The following PRKD1 variants were observed in gnomAD, a reference collection of about 807,000 sequenced individuals.
PRKD1 encodes serine/threonine-protein kinase D1.
In PRKD1, 63 loss-of-function variants were observed where a neutral mutation model predicts 95.9. The observed-to-expected ratio is 0.66, with a 90% CI of 0.54 to 0.81. The LOEUF (loss-of-function observed/expected upper bound fraction) is 0.81, where lower values mean the gene tolerates loss of function less well. Ranked by LOEUF, PRKD1 falls within the 30% of genes least tolerant of loss-of-function variation. The pLI, the probability that PRKD1 is intolerant of heterozygous loss-of-function variation, is 0.00. For synonymous variants in PRKD1, 425 were observed against 423.1 expected, an observed-to-expected ratio of 1.00 and a Z score of -0.05; for missense variants, 1,048 against 1,165.3, an observed-to-expected ratio of 0.90 and a Z score of 1.47.
intron 1 of PRKD1, among the ~76,000 whole-genome samples, chr14:29,753,905 T>C (rs1223962255): frequency 6.6e-6 from 1 of 152,194 alleles, no homozygotes; most frequent in African/African-American, 2.4e-5. Flanking sequence ...GCCTGATGCA[T>C]GCCTCCTTAC....
At chr14:29,798,310 C>T (rs141504857) in intron 1 of PRKD1, among the ~76,000 whole-genome samples, 12 of 152,314 alleles carry the variant, frequency 7.9e-5, no homozygotes, top group African/African-American at 2.6e-4. Context: ...AGAAGCGCCA[C>T]CAAAATACAC....
chr14:29,884,207 T>C (rs1263840112), intron 1 of PRKD1, among the ~76,000 whole-genome samples: 2 of 152,220 alleles, frequency 1.3e-5, no homozygotes, highest in South Asian at 2.1e-4. Flanking sequence ...TTTAAAACAA[T>C]GAATGCAATT....
rs373404701 is a variant in PRKD1, at chr14:29,683,133, T to C, written c.404-16925A>G. ...AGGATGGACTGTAGAGAGGAAGGAT[T>C]GCAGAGAAGATGGACTACAGAGCAG... On this transcript the variant is annotated intron_variant, in intron 2 of 17. Coordinates refer to ENST00000331968, the MANE Select transcript of PRKD1 (RefSeq NM_002742.3). Among the ~76,000 whole-genome samples, 106 of 152,198 alleles carry C rather than the reference T, an allele frequency of 7.0e-4. 1 individual carries two copies. Among genetic ancestry groups the C allele is most frequent in the South Asian group, 6.2e-3 (30 of 4,812 alleles).
intron 1 of PRKD1, among the ~76,000 whole-genome samples, chr14:29,752,287 C>G (rs1057258978): frequency 2.0e-5 from 3 of 152,052 alleles, no homozygotes; most frequent in African/African-American, 7.2e-5. Flanking sequence ...TTGTTAAACA[C>G]TTATTCCCTC....
At chr14:29,692,013 A>C (rs1884266521) in intron 2 of PRKD1, among the ~76,000 whole-genome samples, 1 of 152,180 alleles carries the variant, frequency 6.6e-6, no homozygotes, top group Non-Finnish European at 1.5e-5. Flanking sequence ...GCTCCACCAG[A>C]ACAAGTAGCA....
chr14:29,588,927 G>A (rs1175893188), intron 16 of PRKD1, among the ~76,000 whole-genome samples: 1 of 151,888 alleles, frequency 6.6e-6, no homozygotes, highest in Non-Finnish European at 1.5e-5. Context: ...AAACAACTCA[G>A]CAGGTGACTC....
At chr14:29,846,109 G>A (rs373866435) in intron 1 of PRKD1, among the ~76,000 whole-genome samples, 16 of 152,110 alleles carry the variant, frequency 1.1e-4, no homozygotes, top group Admixed American at 3.3e-4. Context: ...GATAGTTCCT[G>A]CTCATATTTA....
chr14:29,887,318 G>C (rs1346241683), intron 1 of PRKD1, among the ~76,000 whole-genome samples: 3 of 152,314 alleles, frequency 2.0e-5, no homozygotes, highest in East Asian at 1.9e-4. Context: ...AGGTACACAA[G>C]AGGGAGTCAA....
intron 4 of PRKD1, among the ~76,000 whole-genome samples, chr14:29,658,389 A>G (rs897608441): frequency 2.6e-5 from 4 of 152,204 alleles, no homozygotes; most frequent in African/African-American, 4.8e-5. Context: ...TACCACTGTC[A>G]GACTTCTTAC....
chr14:29,831,915 C>T (rs578133279), intron 1 of PRKD1, among the ~76,000 whole-genome samples: 2 of 152,110 alleles, frequency 1.3e-5, no homozygotes, highest in South Asian at 2.1e-4. Context: ...GGTTGGGGGA[C>T]CTGTCCATGT....
chr14:29,828,859 T>C (rs1450901854), intron 1 of PRKD1, among the ~76,000 whole-genome samples: 3 of 152,216 alleles, frequency 2.0e-5, no homozygotes. Flanking sequence ...CCGTGAAATC[T>C]GGACAGGCTT....
At chr14:29,719,374 C>A (rs539732355) in intron 2 of PRKD1, among the ~76,000 whole-genome samples, 27 of 152,256 alleles carry the variant, frequency 1.8e-4, no homozygotes, top group African/African-American at 6.0e-4. Flanking sequence ...TGATAATGGT[C>A]TATGACAAAC....
intron 2 of PRKD1, among the ~76,000 whole-genome samples, chr14:29,710,273 G>A (rs76020839): frequency 0.038 from 5,745 of 152,128 alleles, 154 homozygotes; most frequent in Middle Eastern, 0.058. Context: ...TTGGGCAAAG[G>A]AAGAAAATAG....
chr14:29,732,814 C>A (rs1467766590), intron 1 of PRKD1, among the ~76,000 whole-genome samples: 3 of 150,414 alleles, frequency 2.0e-5, no homozygotes, highest in Admixed American at 2.0e-4. Context: ...TATGTGTTAT[C>A]TGTTCCCCTG....
chr14:29,883,524 AAC>A (rs202235800), intron 1 of PRKD1, among the ~76,000 whole-genome samples: 2,128 of 152,330 alleles, frequency 0.014, 46 homozygotes, highest in African/African-American at 0.049. Context: ...ACATATGTTT[AAC>A]ACAATCCAAA....
intron 1 of PRKD1, among the ~76,000 whole-genome samples, chr14:29,874,786 A>C (rs1449217122): frequency 6.6e-6 from 1 of 152,210 alleles, no homozygotes; most frequent in South Asian, 2.1e-4. Context: ...TTTTTAAAAA[A>C]TTGATCACAG....
chr14:29,615,986 T>G (rs1878826668), intron 13 of PRKD1, among the ~76,000 whole-genome samples: 1 of 152,014 alleles, frequency 6.6e-6, no homozygotes, highest in South Asian at 2.1e-4. Flanking sequence ...GAGACTGAAG[T>G]GCCTGTGGAA....
At chr14:29,666,497 G>A (rs955769889) in intron 2 of PRKD1, among the ~76,000 whole-genome samples, 1 of 151,658 alleles carries the variant, frequency 6.6e-6, no homozygotes, top group Non-Finnish European at 1.5e-5. Flanking sequence ...GAAAGTATAA[G>A]TACACCTGAT....
At chr14:29,921,982 G>C (rs892289951) in intron 1 of PRKD1, among the ~76,000 whole-genome samples, 4 of 152,222 alleles carry the variant, frequency 2.6e-5, no homozygotes, top group African/African-American at 9.6e-5. Context: ...TGTGAAAACT[G>C]TCAAATAGTA....
Sources: allele counts gnomAD v4.1 joint callset (sites outside exome capture counted in the v4.1 genomes callset), GRCh38; gene constraint gnomAD v4.1.1; transcripts MANE v1.5; gene names NCBI Gene and HGNC (gene_info 2026-07-23, HGNC 2026-07-21).